Variants in OOSP4A observed in about 807,000 individuals in gnomAD.
OOSP4A encodes the protein oocyte-secreted protein 4A.
chr11:59,965,995 T>G (rs545048962), intron 2 of OOSP4A, among the ~76,000 whole-genome samples: 71 of 152,066 alleles, frequency 4.7e-4, no homozygotes, highest in African/African-American at 1.3e-3. Context: ...TGTTGTTGTT[T>G]TTTAAAATAT....
intron 1 of OOSP4A, among the ~76,000 whole-genome samples, chr11:59,964,332 T>G (rs1433869621): frequency 6.6e-6 from 1 of 152,126 alleles, no homozygotes; most frequent in African/African-American, 2.4e-5. Context: ...GTTTTTTATT[T>G]TTTTTTACAT....
intron 1 of OOSP4A, among the ~76,000 whole-genome samples, chr11:59,965,059 C>A (rs1237483348): frequency 6.9e-6 from 1 of 145,710 alleles, no homozygotes; most frequent in Non-Finnish European, 1.5e-5. Flanking sequence ...CCAAACACTG[C>A]ATGTTCTCAC....
chr11:59,966,167 C>CT (rs112146765), intron 2 of OOSP4A, among the ~76,000 whole-genome samples: 6,341 of 139,672 alleles, frequency 0.045, 403 homozygotes, highest in African/African-American at 0.15. Context: ...CACCAGAAAA[C>CT]TTTTTTTTTT....
chr11:59,968,694 ACT>A (rs1854127153), intron 3 of OOSP4A, among the ~76,000 whole-genome samples: 1 of 152,162 alleles, frequency 6.6e-6, no homozygotes. Context: ...GCTGTAGGAA[ACT>A]CTGTGTTGGA....
intron 2 of OOSP4A, 30 bp downstream of exon 2, chr11:59,965,743 T>A: frequency 2.5e-6 from 1 of 398,296 alleles, no homozygotes; most frequent in Non-Finnish European, 4.4e-6. Flanking sequence ...CAACCAATAA[T>A]ATATCTTTTG....
Position 59,969,300 on chromosome 11 carries a change from A to C in OOSP4A, c.479+16A>C. On this transcript the variant is annotated intron_variant, in intron 4 of 4. Coordinates refer to ENST00000645590, the Ensembl canonical transcript of OOSP4A. ...TGTCCTATGTGTAAGAGTATTTTGA[A>C]TTAGTACCATAAATGTTTACAGTAC... 2.5e-6 allele frequency: 1 copy of C among 398,318 alleles called. No individual in the cohort carries two copies. The highest frequency in any genetic ancestry group is 3.6e-5 in the East Asian group (1 of 28,062). 24.7% of individuals were successfully genotyped at this position (398,318 alleles called of 1,614,324 possible).
intron 1 of OOSP4A, among the ~76,000 whole-genome samples, chr11:59,965,083 T>C (rs1010932595): frequency 3.7e-5 from 5 of 136,190 alleles, no homozygotes; most frequent in Admixed American, 1.7e-4. Context: ...TAGGTGGGAA[T>C]TGAACAATGA....
intron 3 of OOSP4A, among the ~76,000 whole-genome samples, chr11:59,967,563 C>G (rs1470576242): frequency 6.6e-6 from 1 of 152,012 alleles, no homozygotes; most frequent in African/African-American, 2.4e-5. Flanking sequence ...CCAAGAGATT[C>G]AAAATCAGTA....
chr11:59,968,382 C>G (rs1854123238), intron 3 of OOSP4A, among the ~76,000 whole-genome samples: 1 of 152,194 alleles, frequency 6.6e-6, no homozygotes, highest in Non-Finnish European at 1.5e-5. Context: ...TAAAACAAGG[C>G]TTACTTCTTC....
intron 3 of OOSP4A, 57 bp from the exon 4 acceptor site, chr11:59,969,093 C>T: frequency 2.5e-6 from 1 of 397,464 alleles, no homozygotes; most frequent in Non-Finnish European, 4.4e-6. Flanking sequence ...AACTTTTTCT[C>T]CACCTCCAAA....
chr11:59,970,296 C>T (rs1035526873), downstream of OOSP4A: 4 of 388,032 alleles, frequency 1.0e-5, no homozygotes, highest in Non-Finnish European at 1.8e-5. Flanking sequence ...GGAGAAAAGC[C>T]TTCCCTTCCC....
At chr11:59,965,130 G>A (rs921839219) in intron 1 of OOSP4A, among the ~76,000 whole-genome samples, 4 of 137,198 alleles carry the variant, frequency 2.9e-5, no homozygotes, top group Admixed American at 7.5e-5. Context: ...ATCACACACC[G>A]GGGCCTGTTG....
chr11:59,969,085 CT>C (rs1854131587), intron 3 of OOSP4A, 64 bp from the exon 4 acceptor site: 1 of 397,006 alleles, frequency 2.5e-6, no homozygotes, highest in Non-Finnish European at 4.4e-6. Flanking sequence ...CACATTTCAA[CT>C]TTTTCTCCAC....
At chr11:59,964,211 G>A (rs1854072932) in intron 1 of OOSP4A, 112 bp downstream of exon 1, 1 of 379,944 alleles carries the variant, frequency 2.6e-6, no homozygotes, top group Non-Finnish European at 4.5e-6. Flanking sequence ...TTATAACCTA[G>A]TGATCAACTG....
chr11:59,966,531 A>G (rs571394675), intron 2 of OOSP4A, among the ~76,000 whole-genome samples: 12 of 151,062 alleles, frequency 7.9e-5, no homozygotes, highest in African/African-American at 2.4e-4. Flanking sequence ...GCTGGAGTGC[A>G]GCGGCACAAT....
chr11:59,967,187 A>G (rs1442082144), intron 3 of OOSP4A, 23 bp downstream of exon 3: 1 of 397,832 alleles, frequency 2.5e-6, no homozygotes, highest in African/African-American at 2.1e-5. Flanking sequence ...CACTACTGAG[A>G]TTAAGGCTAT....
At chr11:59,966,208 T>C (rs1938635) in intron 2 of OOSP4A, among the ~76,000 whole-genome samples, 1 of 152,012 alleles carries the variant, frequency 6.6e-6, no homozygotes, top group Non-Finnish European at 1.5e-5. Flanking sequence ...TGCTATGTTT[T>C]GTAATTATAG....
exon 2 of OOSP4A, chr11:59,965,540 A>G (rs1565033023): frequency 7.5e-6 from 3 of 398,390 alleles, no homozygotes; most frequent in African/African-American, 2.1e-5. Context: ...AACAGTGTCT[A>G]TAACCTGTTC....
intron 3 of OOSP4A, among the ~76,000 whole-genome samples, chr11:59,968,473 T>C (rs1214480158): frequency 1.3e-5 from 2 of 152,234 alleles, no homozygotes; most frequent in African/African-American, 4.8e-5. Flanking sequence ...ATATCTTGAC[T>C]TCTTGAGGTC....
Sources: gnomAD v4.1 joint callset for allele counts (sites outside exome capture counted in the v4.1 genomes callset) on GRCh38, gnomAD v4.1.1 for gene constraint, MANE v1.5 for transcripts, NCBI Gene and HGNC (gene_info 2026-07-23, HGNC 2026-07-21) for gene names.